The following RYR2 variants were observed in gnomAD, a reference collection of about 807,000 sequenced individuals.
RYR2 encodes the protein ryanodine receptor 2, also known as cardiac muscle ryanodine receptor-calcium release channel.
A neutral mutation model predicts 601.1 loss-of-function variants in RYR2; 227 were observed. That is an observed-to-expected ratio of 0.38 (90% CI 0.34 to 0.42). RYR2 has a LOEUF of 0.42. Among genes scored for constraint, RYR2 ranks in the 10% least tolerant of loss-of-function variants. RYR2 has a pLI of 1.00. For synonymous variants in RYR2, 2,223 were observed against 2,175.1 expected (o/e 1.02, Z -0.61); for missense variants, 4,646 against 6,156.5 (o/e 0.75, Z 8.21).
At chr1:237,712,345 G>A (rs1688914370) in intron 71 of RYR2, among the ~76,000 whole-genome samples, 1 of 151,992 alleles carries the variant, frequency 6.6e-6, no homozygotes, top group Non-Finnish European at 1.5e-5. Context: ...CAGAGTATAA[G>A]AGCCCGATAG....
At position 237,625,816 on chromosome 1, in the gene RYR2, G is replaced by T; in HGVS notation, c.6166+12G>T. 6.2e-7 allele frequency: 1 copy of T among 1,612,376 alleles called. No homozygotes were observed. Among genetic ancestry groups the T allele is most frequent in the South Asian group, 1.1e-5 (1 of 90,884 alleles). ...CTCCAAAAAGTCCTGTAAGCAGTAT[G>T]AGAGTGCACTGGCAGAATGACCCAA... On this transcript the variant is annotated intron_variant, in intron 40 of 104. Transcript: ENST00000366574.
chr1:237,683,376 T>C (rs990870426), intron 62 of RYR2, among the ~76,000 whole-genome samples: 4 of 152,182 alleles, frequency 2.6e-5, no homozygotes, highest in Non-Finnish European at 5.9e-5. Flanking sequence ...TGGAGTATAC[T>C]TTGCAGTAGC....
At chr1:237,499,811 G>A (rs2805422) in intron 20 of RYR2, among the ~76,000 whole-genome samples, 90,743 of 152,050 alleles carry the variant, frequency 0.6, 27,681 homozygotes, top group Non-Finnish European at 0.66. Flanking sequence ...CTTTGCTCAA[G>A]TTGAAGGTTT....
intron 1 of RYR2, among the ~76,000 whole-genome samples, chr1:237,248,002 G>T (rs1487361665): frequency 6.6e-6 from 1 of 152,068 alleles, no homozygotes. Context: ...GGCCGGGCAC[G>T]GTGGCTTATG....
intron 1 of RYR2, among the ~76,000 whole-genome samples, chr1:237,062,413 T>C (rs1310726191): frequency 6.6e-6 from 1 of 152,242 alleles, no homozygotes; most frequent in Non-Finnish European, 1.5e-5. Context: ...AAAATTTCTC[T>C]CAGTATTTGC....
At chr1:237,803,561 A>G (rs1438406393) in intron 98 of RYR2, among the ~76,000 whole-genome samples, 16 of 152,060 alleles carry the variant, frequency 1.1e-4, no homozygotes, top group Admixed American at 9.8e-4. Context: ...TGGCCTCCCA[A>G]AGTACTGGGA....
chr1:237,297,464 G>T (rs16835105), intron 2 of RYR2, among the ~76,000 whole-genome samples: 5 of 152,092 alleles, frequency 3.3e-5, no homozygotes, highest in Non-Finnish European at 7.4e-5. Context: ...GTAAAGGTGG[G>T]TATTAGACTT....
chr1:237,120,801 C>G (rs1028180917), intron 1 of RYR2: 1 of 152,310 alleles, frequency 6.6e-6, no homozygotes, highest in Non-Finnish European at 1.5e-5. Flanking sequence ...AAATGGAGCT[C>G]TGAGCGGCTG....
intron 1 of RYR2, among the ~76,000 whole-genome samples, chr1:237,048,573 C>A (rs1660874647): frequency 2.0e-5 from 3 of 152,132 alleles, no homozygotes; most frequent in Non-Finnish European, 4.4e-5. Context: ...TGATCTGCCC[C>A]TTGATACCTT....
intron 1 of RYR2, among the ~76,000 whole-genome samples, chr1:237,149,427 T>C (rs1674453781): frequency 6.6e-6 from 1 of 152,192 alleles, no homozygotes; most frequent in Non-Finnish European, 1.5e-5. Flanking sequence ...CTGGTCAGTT[T>C]ACAAGGGTGT....
intron 98 of RYR2, 26 bp from the exon 99 acceptor site, chr1:237,806,111 T>C (rs1660607179): frequency 1.2e-6 from 2 of 1,608,848 alleles, no homozygotes; most frequent in Non-Finnish European, 1.7e-6. Flanking sequence ...TCTGACATGT[T>C]CTTTCCCCCC....
chr1:237,607,762 A>G (rs1677307305), intron 35 of RYR2, among the ~76,000 whole-genome samples: 1 of 152,210 alleles, frequency 6.6e-6, no homozygotes, highest in Admixed American at 6.5e-5. Context: ...TTAATTTTGC[A>G]ATTGTAAAGT....
chr1:237,123,692 G>A (rs956206458), intron 1 of RYR2, among the ~76,000 whole-genome samples: 38 of 116,090 alleles, frequency 3.3e-4, no homozygotes, highest in Admixed American at 1.5e-3. Flanking sequence ...ACGGAGTCTC[G>A]CTCTGTCGCC....
At chr1:237,539,727 A>C (rs1279340947) in intron 25 of RYR2, among the ~76,000 whole-genome samples, 3 of 152,134 alleles carry the variant, frequency 2.0e-5, no homozygotes, top group Non-Finnish European at 1.5e-5. Context: ...TAGGAAAAAG[A>C]GTTAATGCAT....
In RYR2 at chr1:237,680,493, A is replaced by T. The variant is rs767843817; in HGVS notation, c.8933A>T (p.His2978Leu). The part of the protein sequence containing the change: ...LPLIDQYFKN[H>L]RLYFLSAASR... ...TTAATTGATCAGTATTTCAAAAACCATCGTTTATACTTCTTATCTGCAGCA... is the reference window on the plus strand; with the variant it reads ...TTAATTGATCAGTATTTCAAAAACCTTCGTTTATACTTCTTATCTGCAGCA... The change falls in exon 62 of 105, where the codon CAT becomes CTT. Residue 2978 changes from histidine to leucine, a missense_variant. Around this residue, in one of 17 missense-constraint regions of RYR2, gnomAD observed 1,497 missense variants for 1,842.6 expected, o/e 0.81. Coordinates refer to ENST00000366574, the MANE Select transcript of RYR2 (RefSeq NM_001035.3). 1.5e-5 allele frequency: 24 copies of T among 1,606,436 alleles called. No homozygotes were observed. Among genetic ancestry groups the T allele is most frequent in the Non-Finnish European group, 2.0e-5 (24 of 1,173,784 alleles).
intron 55 of RYR2, among the ~76,000 whole-genome samples, 188 bp downstream of exon 55, chr1:237,660,262 A>T (rs1372686282): frequency 6.7e-6 from 1 of 149,396 alleles, no homozygotes; most frequent in Non-Finnish European, 1.5e-5. Context: ...AATTTCTGTC[A>T]GCCTTTCTGT....
rs1008702931 is a variant in RYR2, at chr1:237,104,020, C to T, written c.48+61451C>T. On this transcript the variant is annotated intron_variant, in intron 1 of 104. Transcript: ENST00000366574. The stretch of plus-strand genomic sequence containing the variant: ...TGTCATCCCGGGCTGAAGTTCCTCA[C>T]GTGATATTTAGTTGCTTGTGGCCAA... Among the ~76,000 whole-genome samples, 11 of 151,796 alleles carry T rather than the reference C, an allele frequency of 7.2e-5. 1 individual carries two copies. The highest frequency in any genetic ancestry group is 6.2e-4 in the South Asian group (3 of 4,808).
In RYR2 at chr1:237,643,282, T is replaced by C. The variant is rs573336192; in HGVS notation, c.7222-45T>C. The C allele has an allele frequency of 1.8e-5, 29 of 1,600,006 alleles. 1 individual carries two copies. In the South Asian group the frequency reaches 3.1e-4, roughly 17 times the overall value. On this transcript the variant is annotated intron_variant, in intron 47 of 104. Coordinates refer to ENST00000366574, the MANE Select transcript of RYR2 (RefSeq NM_001035.3). ...AGATTTCCTAGACAGAATTGTAACA[T>C]TGATGTCACAAAGTTGTTCTAATGT... is the stretch of plus-strand genomic sequence containing the variant.
intron 62 of RYR2, among the ~76,000 whole-genome samples, chr1:237,686,215 G>C (rs1398811934): frequency 6.6e-6 from 1 of 152,206 alleles, no homozygotes; most frequent in Non-Finnish European, 1.5e-5. Context: ...GAAAAATCAA[G>C]CTGAGTGTGG....
Sources: gnomAD v4.1 joint callset for allele counts (sites outside exome capture counted in the v4.1 genomes callset) on GRCh38, gnomAD v4.1.1 for gene constraint, gnomAD v4.1.1 regional missense constraint, MANE v1.5 for transcripts, NCBI Gene and HGNC (gene_info 2026-07-23, HGNC 2026-07-21) for gene names.